Variants in MIR2052HG observed in about 807,000 individuals in gnomAD.
The protein encoded by MIR2052HG is MIR2052 host gene.
At chr8:74,682,861 T>C (rs1305675303) in intron 2 of MIR2052HG, among the ~76,000 whole-genome samples, 3 of 152,174 alleles carry the variant, frequency 2.0e-5, no homozygotes, top group African/African-American at 7.2e-5. Flanking sequence ...ACAAACCAAT[T>C]ATTTATACAC....
intron 2 of MIR2052HG, among the ~76,000 whole-genome samples, chr8:74,680,512 G>A (rs1175506644): frequency 3.3e-5 from 5 of 152,102 alleles, no homozygotes; most frequent in African/African-American, 1.2e-4. Flanking sequence ...ACCACAATGA[G>A]ACACCATCTC....
chr8:74,737,651 G>C (rs1809781558), intron 4 of MIR2052HG, among the ~76,000 whole-genome samples: 1 of 152,112 alleles, frequency 6.6e-6, no homozygotes, highest in South Asian at 2.1e-4. Flanking sequence ...AATTCTTGTA[G>C]AGAGTCTAAT....
At chr8:74,751,199 A>G (rs1809943572) in intron 4 of MIR2052HG, among the ~76,000 whole-genome samples, 1 of 152,222 alleles carries the variant, frequency 6.6e-6, no homozygotes, top group South Asian at 2.1e-4. Context: ...ACGTGGTAAC[A>G]GTCTTCTTTC....
At chr8:74,693,131 A>G (rs1262550315) in intron 2 of MIR2052HG, among the ~76,000 whole-genome samples, 1 of 152,204 alleles carries the variant, frequency 6.6e-6, no homozygotes, top group Non-Finnish European at 1.5e-5. Context: ...GGGCAACTCA[A>G]TGTTTCTATG....
In MIR2052HG at chr8:74,733,767, T is replaced by C. The variant is rs1248588903; in HGVS notation, n.372-18674T>C. On this transcript the variant is annotated intron_variant and non_coding_transcript_variant, in intron 4 of 6. Coordinates refer to ENST00000523442, the Ensembl canonical transcript of MIR2052HG. Reference sequence around the variant, plus strand: ...TGTTGTTTCCTGACTTTTTAATGATTGCCATTCTAACTGGTGTGAGATGGT... The same window carrying C: ...TGTTGTTTCCTGACTTTTTAATGATCGCCATTCTAACTGGTGTGAGATGGT... 3.2e-3 allele frequency among the ~76,000 whole-genome samples: 471 copies of C among 144,942 alleles called. 2 individuals carry two copies. Among genetic ancestry groups the C allele is most frequent in the Non-Finnish European group, 5.2e-3 (343 of 66,600 alleles).
intron 2 of MIR2052HG, among the ~76,000 whole-genome samples, chr8:74,686,328 C>T (rs953277412): frequency 6.6e-6 from 1 of 151,958 alleles, no homozygotes; most frequent in African/African-American, 2.4e-5. Flanking sequence ...CAGGACCTGC[C>T]TCTGACTGAC....
intron 2 of MIR2052HG, among the ~76,000 whole-genome samples, chr8:74,626,232 G>A (rs992259738): frequency 6.6e-6 from 1 of 152,168 alleles, no homozygotes; most frequent in Non-Finnish European, 1.5e-5. Context: ...CCTCTTTAGA[G>A]CCACTTCTCC....
intron 2 of MIR2052HG, among the ~76,000 whole-genome samples, chr8:74,632,037 C>T (rs936492025): frequency 1.3e-5 from 2 of 152,254 alleles, no homozygotes; most frequent in Admixed American, 6.5e-5. Context: ...ACCATAGCAG[C>T]CTCCTTATTT....
chr8:74,703,519 C>A lies in MIR2052HG; in HGVS notation n.295-87C>A, dbSNP rs1176150780. On this transcript the variant is annotated intron_variant and non_coding_transcript_variant, in intron 3 of 6. Transcript: ENST00000523442. ...CCATGGATAACAGCAGGATTTAGGG[C>A]AATCAGGAGATAAATGGAATTGTGA... 6 of 364,580 alleles carry A rather than the reference C, an allele frequency of 1.6e-5. No individual in the cohort carries two copies. The Admixed American group carries it at 1.8e-4, about 11-fold the overall frequency. The allele number at this position is 364,580 out of a possible 1,614,324, so 22.6% of individuals were successfully genotyped here.
intron 4 of MIR2052HG, among the ~76,000 whole-genome samples, chr8:74,736,074 G>T (rs1809741958): frequency 6.6e-6 from 1 of 152,094 alleles, no homozygotes; most frequent in African/African-American, 2.4e-5. Flanking sequence ...TGTGTTAGAG[G>T]GAACTTAAAA....
At chr8:74,731,063 A>C (rs1287381431) in intron 4 of MIR2052HG, among the ~76,000 whole-genome samples, 1 of 152,178 alleles carries the variant, frequency 6.6e-6, no homozygotes, top group Non-Finnish European at 1.5e-5. Context: ...TGATGAACCA[A>C]GCAGACAAGA....
At chr8:74,724,099 T>C (rs545363474) in intron 4 of MIR2052HG, among the ~76,000 whole-genome samples, 7 of 152,328 alleles carry the variant, frequency 4.6e-5, no homozygotes, top group Admixed American at 2.0e-4. Context: ...AATCTGTTCA[T>C]GTTTAATCAA....
At chr8:74,723,437 C>A (rs190552764) in intron 4 of MIR2052HG, among the ~76,000 whole-genome samples, 207 of 152,302 alleles carry the variant, frequency 1.4e-3, no homozygotes, top group African/African-American at 4.7e-3. Flanking sequence ...AGAGCCAAGG[C>A]TTTGGAGTCA....
At chr8:74,666,960 G>A (rs1401237154) in intron 2 of MIR2052HG, among the ~76,000 whole-genome samples, 4 of 152,160 alleles carry the variant, frequency 2.6e-5, no homozygotes, top group African/African-American at 4.8e-5. Flanking sequence ...GAGACAGCTG[G>A]GCATCTCTTT....
intron 4 of MIR2052HG, among the ~76,000 whole-genome samples, chr8:74,750,582 G>A (rs1177609905): frequency 6.6e-6 from 1 of 152,086 alleles, no homozygotes; most frequent in Admixed American, 6.6e-5. Flanking sequence ...GTTGTGTTGT[G>A]TTTTGAAGGC....
chr8:74,704,515 C>G (rs1458706166), intron 4 of MIR2052HG, among the ~76,000 whole-genome samples: 1 of 152,040 alleles, frequency 6.6e-6, no homozygotes, highest in Non-Finnish European at 1.5e-5. Flanking sequence ...TTCCATTCCT[C>G]CTATCCTCAG....
At chr8:74,697,170 A>G (rs545447891) in intron 2 of MIR2052HG, among the ~76,000 whole-genome samples, 23 of 152,316 alleles carry the variant, frequency 1.5e-4, no homozygotes, top group Admixed American at 1.4e-3. Flanking sequence ...CAGATGGTTT[A>G]ACATATGCAA....
intron 2 of MIR2052HG, among the ~76,000 whole-genome samples, chr8:74,644,423 G>A (rs966913195): frequency 3.3e-5 from 5 of 152,136 alleles, no homozygotes; most frequent in Admixed American, 1.3e-4. Context: ...ACACCATCTA[G>A]CCTCAGTGTG....
intron 4 of MIR2052HG, among the ~76,000 whole-genome samples, chr8:74,735,307 T>C (rs530204721): frequency 2.8e-4 from 42 of 152,332 alleles, no homozygotes; most frequent in Admixed American, 2.1e-3. Context: ...GTAAGTCTTG[T>C]TGACAAGATG....
Sources: gnomAD v4.1 joint callset for allele counts (sites outside exome capture counted in the v4.1 genomes callset) on GRCh38, gnomAD v4.1.1 for gene constraint, MANE v1.5 for transcripts, NCBI Gene and HGNC (gene_info 2026-07-23, HGNC 2026-07-21) for gene names.